Variants in DNAH17 observed in about 807,000 individuals in gnomAD.
DNAH17 encodes the protein axonemal beta dynein heavy chain 17.
Under a neutral mutation model 485.6 loss-of-function variants are expected in DNAH17, and 376 were observed. The ratio of observed to expected loss-of-function variants is 0.77; its 90% CI spans 0.71 to 0.84. The LOEUF is 0.84. DNAH17 is among the 40% of genes least tolerant of loss of function. DNAH17 has a pLI of 0.00. For missense variants in DNAH17, 6,370 were observed against 5,839.3 expected, an observed-to-expected ratio of 1.09 and a Z score of -2.96; for synonymous variants, 3,031 against 2,405.9, an observed-to-expected ratio of 1.26 and a Z score of -7.60.
chr17:78,443,520 G>A (rs977048786), intron 71 of DNAH17, among the ~76,000 whole-genome samples: 4 of 150,550 alleles, frequency 2.7e-5, no homozygotes, highest in South Asian at 2.1e-4. Flanking sequence ...TGGGAGTTAG[G>A]CCTCTGCTTT....
chr17:78,572,863 T>C lies in DNAH17; in HGVS notation c.377A>G (p.Asn126Ser), dbSNP rs1211412706. Residue 126 changes from asparagine to serine, a missense_variant, in exon 3 of 81, where the codon AAC becomes AGC. Asn to Ser is a conservative substitution (Grantham distance 46). Coordinates refer to ENST00000389840, the MANE Select transcript of DNAH17 (RefSeq NM_173628.4). The part of the protein sequence containing the change: ...VLSSLLNQSE[N>S]MAGWPQVVSE... ...GACCACCTGGGGCCATCCAGCCATG[T>C]TCTCACTTTGGTTTAACAGAGAAGA... 1 of 1,613,908 alleles carries C rather than the reference T, an allele frequency of 6.2e-7. No homozygotes were observed. Among genetic ancestry groups the C allele is most frequent in the Admixed American group, 1.7e-5 (1 of 60,002 alleles).
intron 71 of DNAH17, among the ~76,000 whole-genome samples, chr17:78,443,655 T>A (rs1405023364): frequency 3.9e-5 from 6 of 152,170 alleles, no homozygotes; most frequent in Non-Finnish European, 8.8e-5. Context: ...GCTCAACCAA[T>A]TCTCCCACCT....
rs1192474886 is a variant in DNAH17, at chr17:78,474,719, C to A, written c.8511+559G>T. ...GCACACTGGCTGGAAGGTTTCACAC[C>A]CTTCACCTCAGTCACACTGGCCAGA... On this transcript the variant is annotated intron_variant, in intron 54 of 80. Coordinates refer to ENST00000389840, the MANE Select transcript of DNAH17 (RefSeq NM_173628.4). Among the ~76,000 whole-genome samples, 5 of 151,670 alleles carry A rather than the reference C, an allele frequency of 3.3e-5. No individual in the cohort carries two copies. In the South Asian group the frequency reaches 1.0e-3, roughly 32 times the overall value.
At chr17:78,570,168 G>A (rs534207312) in intron 7 of DNAH17, 79 bp downstream of exon 7, 1,012 of 1,446,726 alleles carry the variant, frequency 7.0e-4, no homozygotes, top group Non-Finnish European at 8.6e-4. Flanking sequence ...GGGAACATGG[G>A]CAGCAGGAAA....
At chr17:78,551,057 A>G (rs866373493) in intron 16 of DNAH17, among the ~76,000 whole-genome samples, 2 of 151,938 alleles carry the variant, frequency 1.3e-5, no homozygotes, top group Admixed American at 1.3e-4. Context: ...CATCTCCACT[A>G]AAAAAACAAA....
At chr17:78,460,096 C>T in intron 59 of DNAH17, 66 bp downstream of exon 59, 3 of 1,581,368 alleles carry the variant, frequency 1.9e-6, no homozygotes. Flanking sequence ...ACCACCCACG[C>T]CAACAGCGAA....
At chr17:78,447,002 G>C (rs111749422) in intron 69 of DNAH17, among the ~76,000 whole-genome samples, 10 of 152,024 alleles carry the variant, frequency 6.6e-5, no homozygotes, top group African/African-American at 2.4e-4. Context: ...GTAGTGCTGT[G>C]ATCATGGCTC....
intron 75 of DNAH17, among the ~76,000 whole-genome samples, chr17:78,430,700 C>A (rs2086641833): frequency 6.6e-6 from 1 of 152,158 alleles, no homozygotes; most frequent in Non-Finnish European, 1.5e-5. Flanking sequence ...CCTGCCTCAG[C>A]CTTCTGAGTA....
At chr17:78,439,816 C>T (rs1482137849) in intron 72 of DNAH17, among the ~76,000 whole-genome samples, 1 of 150,982 alleles carries the variant, frequency 6.6e-6, no homozygotes, top group African/African-American at 2.4e-5. Flanking sequence ...ACTACAGGCG[C>T]CCGCCACCAC....
chr17:78,562,057 G>T, intron 11 of DNAH17, 77 bp from the exon 12 acceptor site: 1 of 1,478,378 alleles, frequency 6.8e-7, no homozygotes, highest in Non-Finnish European at 9.0e-7. Flanking sequence ...GACAAAACGG[G>T]CAGGGCCAAT....
intron 25 of DNAH17, chr17:78,522,607 C>A: frequency 3.7e-6 from 1 of 267,902 alleles, no homozygotes. Context: ...CTGCAACACC[C>A]ACGCCGACTT....
chr17:78,495,706 G>A (rs952205015), intron 38 of DNAH17, among the ~76,000 whole-genome samples, 169 bp downstream of exon 38: 27 of 152,142 alleles, frequency 1.8e-4, no homozygotes, highest in African/African-American at 6.3e-4. Context: ...CCAAAGTGCT[G>A]ACATTACAGA....
chr17:78,442,864 G>A (rs1271613374), intron 71 of DNAH17, among the ~76,000 whole-genome samples: 1 of 152,234 alleles, frequency 6.6e-6, no homozygotes, highest in Non-Finnish European at 1.5e-5. Context: ...GTGCTCCCGC[G>A]GCTGTCAGTG....
At chr17:78,519,826 A>G (rs2090889092) in intron 25 of DNAH17, among the ~76,000 whole-genome samples, 1 of 152,148 alleles carries the variant, frequency 6.6e-6, no homozygotes. Flanking sequence ...TCTCATGGAA[A>G]TGGCCGGGCA....
chr17:78,441,818 C>T (rs1200385311), intron 71 of DNAH17, among the ~76,000 whole-genome samples: 1 of 152,166 alleles, frequency 6.6e-6, no homozygotes, highest in Non-Finnish European at 1.5e-5. Context: ...AGTGTGGTGG[C>T]TCATGCCTGT....
At chr17:78,536,435 G>A (rs1006572550) in intron 19 of DNAH17, among the ~76,000 whole-genome samples, 5 of 152,034 alleles carry the variant, frequency 3.3e-5, no homozygotes, top group Admixed American at 6.5e-5. Flanking sequence ...GGGCAACAGA[G>A]CAAGACTCTG....
In DNAH17 at chr17:78,485,946, T is replaced by C; in HGVS notation, c.7275+14A>G. ...TAAATCACCAGTCGGTGGCCCTGCTTTGGGGACAGTTACCTGCAGTGGGAC... is the reference window on the plus strand; with the variant it reads ...TAAATCACCAGTCGGTGGCCCTGCTCTGGGGACAGTTACCTGCAGTGGGAC... On this transcript the variant is annotated intron_variant, in intron 46 of 80. Transcript: ENST00000389840. The C allele has an allele frequency of 6.2e-7, 1 of 1,609,654 alleles. No individual in the cohort carries two copies. Among genetic ancestry groups the C allele is most frequent in the South Asian group, 1.1e-5 (1 of 90,898 alleles).
chr17:78,558,300 A>C (rs199635071), intron 13 of DNAH17, 46 bp from the exon 14 acceptor site: 69 of 1,602,096 alleles, frequency 4.3e-5, no homozygotes, highest in Admixed American at 1.0e-4. Flanking sequence ...AGGTCAGGTC[A>C]ACAGTGCAGT....
chr17:78,536,901 C>A (rs1262571298), intron 19 of DNAH17, among the ~76,000 whole-genome samples: 3 of 151,928 alleles, frequency 2.0e-5, no homozygotes, highest in Admixed American at 6.6e-5. Context: ...CAGGGCCGGG[C>A]GCGGTGGCTC....
Sources: gnomAD v4.1 joint callset for allele counts (sites outside exome capture counted in the v4.1 genomes callset) on GRCh38, gnomAD v4.1.1 for gene constraint, MANE v1.5 for transcripts, NCBI Gene and HGNC (gene_info 2026-07-23, HGNC 2026-07-21) for gene names.